PRIM2: variants seen among roughly 807,000 people sequenced by gnomAD.
PRIM2 encodes DNA primase large subunit.
In PRIM2, 39 loss-of-function variants were observed where a neutral mutation model predicts 67.3. That is an observed-to-expected ratio of 0.58 (90% CI 0.45 to 0.76). PRIM2 has a LOEUF of 0.76. Ranked by LOEUF, PRIM2 falls within the 30% of genes least tolerant of loss-of-function variation. The pLI is 0.00. For synonymous variants in PRIM2, 143 were observed against 198.7 expected (o/e 0.72, Z 2.36); for missense variants, 398 against 598.7 (o/e 0.66, Z 3.50).
intron 5 of PRIM2, among the ~76,000 whole-genome samples, chr6:57,330,361 G>T (rs60285435): frequency 0.59 from 64,646 of 108,764 alleles, 17,927 homozygotes; most frequent in African/African-American, 0.65. Flanking sequence ...TTTTTTTTTT[G>T]TTTTTGTTTT....
the PRIM2 span, among the ~76,000 whole-genome samples, chr6:57,294,984 T>G: frequency 6.6e-6 from 1 of 152,118 alleles, no homozygotes; most frequent in African/African-American, 2.4e-5. Context: ...AATTTTTGTA[T>G]TTTTAGCAGA....
intron 7 of PRIM2, among the ~76,000 whole-genome samples, chr6:57,481,497 C>T (rs1308823268): frequency 2.6e-5 from 4 of 151,894 alleles, no homozygotes; most frequent in African/African-American, 9.7e-5. Context: ...TGTTGAAGGG[C>T]ATTGAATTAT....
At chr6:57,472,452 G>GT (rs1394069817) in intron 7 of PRIM2, among the ~76,000 whole-genome samples, 1 of 151,896 alleles carries the variant, frequency 6.6e-6, no homozygotes, top group Admixed American at 6.6e-5. Flanking sequence ...GGCAAACTGA[G>GT]TCTCCTAAAG....
chr6:57,443,781 C>G (rs9475964), intron 7 of PRIM2, among the ~76,000 whole-genome samples: 7 of 151,024 alleles, frequency 4.6e-5, no homozygotes, highest in African/African-American at 1.5e-4. Context: ...TCCCAGTTGT[C>G]TGTTTTGCAT....
At chr6:57,234,488 T>A in the PRIM2 span, among the ~76,000 whole-genome samples, 1 of 152,206 alleles carries the variant, frequency 6.6e-6, no homozygotes, top group Admixed American at 6.5e-5. Flanking sequence ...AATAATAATT[T>A]TAGTAACTTG....
chr6:57,499,165 T>C (rs1192568089), intron 7 of PRIM2, among the ~76,000 whole-genome samples: 1 of 152,226 alleles, frequency 6.6e-6, no homozygotes, highest in African/African-American at 2.4e-5. Context: ...TAATCTATAA[T>C]TGCTTAAAAT....
chr6:57,347,023 G>A lies in PRIM2; in HGVS notation c.459+20978G>A, dbSNP rs552756971. Among the ~76,000 whole-genome samples the A allele has an allele frequency of 3.3e-5, 5 of 152,128 alleles. No homozygotes were observed. In the East Asian group the frequency reaches 9.7e-4, roughly 30 times the overall value. ...ATTTATTCTCTGCTTGCTTCTGTTT[G>A]TTTATCTCCATGACTTTCAAATACC... is the stretch of plus-strand genomic sequence containing the variant. On this transcript the variant is annotated intron_variant, in intron 5 of 13. Coordinates refer to ENST00000615550, the MANE Select transcript of PRIM2 (RefSeq NM_000947.5).
At chr6:57,494,248 C>G (rs1187347748) in intron 7 of PRIM2, among the ~76,000 whole-genome samples, 11 of 152,100 alleles carry the variant, frequency 7.2e-5, no homozygotes, top group East Asian at 1.9e-4. Flanking sequence ...AGGGTCCATT[C>G]CATCACGAAA....
chr6:57,377,902 G>A (rs1166345273), intron 5 of PRIM2, among the ~76,000 whole-genome samples: 1 of 151,904 alleles, frequency 6.6e-6, no homozygotes, highest in East Asian at 1.9e-4. Flanking sequence ...TTGATTTTAG[G>A]TCTTAGGGCT....
At chr6:57,500,031 C>A (rs1774097189) in intron 7 of PRIM2, among the ~76,000 whole-genome samples, 1 of 152,200 alleles carries the variant, frequency 6.6e-6, no homozygotes, top group Non-Finnish European at 1.5e-5. Flanking sequence ...AATTTTCCTT[C>A]ATTTCCCACC....
chr6:57,295,810 T>A, the PRIM2 span, among the ~76,000 whole-genome samples: 1 of 152,200 alleles, frequency 6.6e-6, no homozygotes, highest in Non-Finnish European at 1.5e-5. Flanking sequence ...CTTCCATTTC[T>A]TCCTCAGTTC....
chr6:57,366,171 C>G (rs10949025), intron 5 of PRIM2, among the ~76,000 whole-genome samples: 11 of 152,052 alleles, frequency 7.2e-5, no homozygotes, highest in East Asian at 1.9e-4. Context: ...CAGAGGTAAC[C>G]TGTTAGTTGC....
chr6:57,356,621 A>G (rs2127307228), intron 5 of PRIM2, among the ~76,000 whole-genome samples: 1 of 152,242 alleles, frequency 6.6e-6, no homozygotes, highest in East Asian at 1.9e-4. Context: ...CAGTCTGAGG[A>G]GGTTAGGGAT....
intron 10 of PRIM2, among the ~76,000 whole-genome samples, chr6:57,571,671 A>G (rs1775865481): frequency 6.7e-6 from 1 of 149,314 alleles, no homozygotes; most frequent in African/African-American, 2.5e-5. Flanking sequence ...AAAACAAAAC[A>G]AAAAACAAAA....
At chr6:57,500,530 G>C (rs1774110243) in intron 7 of PRIM2, among the ~76,000 whole-genome samples, 1 of 152,192 alleles carries the variant, frequency 6.6e-6, no homozygotes, top group Admixed American at 6.5e-5. Context: ...AGAATGGAAG[G>C]CAGTGTTCCA....
chr6:57,461,110 A>C (rs1177656787), intron 7 of PRIM2, among the ~76,000 whole-genome samples: 3 of 152,240 alleles, frequency 2.0e-5, no homozygotes, highest in Non-Finnish European at 2.9e-5. Flanking sequence ...AGGGATAAGG[A>C]AAGAGAAAGC....
rs748696876 is a variant in PRIM2 at position 57,326,008 on chromosome 6, A to G, written c.422A>G (p.Gln141Arg). 1 of 1,612,954 alleles carries G rather than the reference A, an allele frequency of 6.2e-7. No individual in the cohort carries two copies. The highest frequency in any genetic ancestry group is 8.5e-7 in the Non-Finnish European group (1 of 1,179,564). Residue 141 changes from glutamine (Q) to arginine (R), a missense_variant, in exon 5 of 14, where the codon CAG becomes CGG. Gln to Arg is a conservative substitution (Grantham distance 43). Around this residue, in one of 4 missense-constraint regions of PRIM2, gnomAD observed 229 missense variants for 383.6 expected, o/e 0.60. Transcript: ENST00000615550. ...AGTATTTTACCCAAGGATAAAATTC[A>G]GGATTTCTTAAAGGATAGCCAATTG... ...RFSILPKDKI[Q>R]DFLKDSQLQF...
intron 13 of PRIM2, among the ~76,000 whole-genome samples, chr6:57,633,532 A>G (rs1777067912): frequency 6.6e-6 from 1 of 152,186 alleles, no homozygotes; most frequent in Non-Finnish European, 1.5e-5. Flanking sequence ...TAGGAAAAAG[A>G]TATTTTATAA....
At chr6:57,287,507 G>A in the PRIM2 span, among the ~76,000 whole-genome samples, 80 of 152,216 alleles carry the variant, frequency 5.3e-4, 1 homozygote, top group South Asian at 0.016. Flanking sequence ...ACTAACACAG[G>A]AACAGAAAAC....
Sources: gnomAD v4.1 joint callset for allele counts (sites outside exome capture counted in the v4.1 genomes callset) on GRCh38, gnomAD v4.1.1 for gene constraint, gnomAD v4.1.1 regional missense constraint, MANE v1.5 for transcripts, NCBI Gene and HGNC (gene_info 2026-07-23, HGNC 2026-07-21) for gene names.